The following UNC93A variants were observed in gnomAD, a reference collection of about 807,000 sequenced individuals.
UNC93A encodes the protein N-acetylglucosamine transporter UNC93A.
Under a neutral mutation model 47.5 loss-of-function variants are expected in UNC93A, and 43 were observed. The observed-to-expected ratio is 0.91, with a 90% CI of 0.71 to 1.17. UNC93A has a LOEUF of 1.17. Among genes scored for constraint, UNC93A ranks in the 50% most tolerant of loss-of-function variants. The probability of loss-of-function intolerance (pLI) is 0.00; values close to 1 mark genes in which losing one functional copy is unlikely to be tolerated. For missense variants in UNC93A, 605 were observed against 577.6 expected, an observed-to-expected ratio of 1.05 and a Z score of -0.49; for synonymous variants, 280 against 258.0, an observed-to-expected ratio of 1.09 and a Z score of -0.82.
intron 1 of UNC93A, among the ~76,000 whole-genome samples, chr6:167,294,149 T>G (rs2072763): frequency 6.6e-6 from 1 of 151,906 alleles, no homozygotes; most frequent in South Asian, 2.1e-4. Context: ...GCACGCAGGC[T>G]CCTCACAGAT....
At chr6:167,312,456 C>T (rs1485771552) in intron 7 of UNC93A, among the ~76,000 whole-genome samples, 1 of 152,236 alleles carries the variant, frequency 6.6e-6, no homozygotes, top group African/African-American at 2.4e-5. Flanking sequence ...ATAAAAAACG[C>T]CTGTCCCTTC....
chr6:167,295,785 T>A (rs1778067841), intron 2 of UNC93A, among the ~76,000 whole-genome samples: 1 of 152,244 alleles, frequency 6.6e-6, no homozygotes, highest in African/African-American at 2.4e-5. Context: ...TCGCATCCGA[T>A]ACAAGGAGCC....
intron 1 of UNC93A, among the ~76,000 whole-genome samples, chr6:167,272,693 A>G (rs1783468569): frequency 6.6e-6 from 1 of 152,226 alleles, no homozygotes; most frequent in African/African-American, 2.4e-5. Context: ...TTATAGGTAG[A>G]TTTGAAAATG....
At chr6:167,290,186 A>T (rs1182800710), upstream of UNC93A, among the ~76,000 whole-genome samples, 1 of 152,232 alleles carries the variant, frequency 6.6e-6, no homozygotes, top group Non-Finnish European at 1.5e-5. Flanking sequence ...ATCTGTTTCC[A>T]TGCTCAGAAT....
At chr6:167,295,483 A>T (rs1973896) in intron 2 of UNC93A, among the ~76,000 whole-genome samples, 32 of 50,776 alleles carry the variant, frequency 6.3e-4, no homozygotes, top group African/African-American at 4.0e-3. Flanking sequence ...CTCCCTCGTG[A>T]ACCTCGCCTC....
intron 1 of UNC93A, among the ~76,000 whole-genome samples, chr6:167,294,111 G>A (rs1777978041): frequency 6.6e-6 from 1 of 152,150 alleles, no homozygotes; most frequent in Admixed American, 6.5e-5. Flanking sequence ...CTCCCCATGG[G>A]CTGAAGGACC....
chr6:167,308,699 A>G (rs76855668), intron 7 of UNC93A, among the ~76,000 whole-genome samples: 1,994 of 151,850 alleles, frequency 0.013, 51 homozygotes, highest in African/African-American at 0.046. Flanking sequence ...GTGTGGGGCC[A>G]GCATGTGGGG....
upstream of UNC93A, among the ~76,000 whole-genome samples, chr6:167,288,456 AC>A (rs1783781235): frequency 4.7e-5 from 1 of 21,082 alleles, no homozygotes; most frequent in African/African-American, 1.9e-4. Flanking sequence ...CCTTACACAC[AC>A]ACACACACAC....
At chr6:167,294,103 C>T (rs1332375982) in intron 1 of UNC93A, among the ~76,000 whole-genome samples, 1 of 152,168 alleles carries the variant, frequency 6.6e-6, no homozygotes, top group East Asian at 1.9e-4. Context: ...CTTCGGGCCT[C>T]CCCATGGGCT....
At chr6:167,288,163 G>T (rs749269675), upstream of UNC93A, among the ~76,000 whole-genome samples, 7 of 152,128 alleles carry the variant, frequency 4.6e-5, no homozygotes, top group Non-Finnish European at 1.0e-4. Context: ...CCACACGATG[G>T]GTCTCTGCCC....
At chr6:167,313,935 A>C (rs933133615) in intron 7 of UNC93A, among the ~76,000 whole-genome samples, 1 of 152,210 alleles carries the variant, frequency 6.6e-6, no homozygotes, top group Non-Finnish European at 1.5e-5. Flanking sequence ...GACAATGTGC[A>C]GACTGTGGGA....
At position 167,305,995 on chromosome 6, in the gene UNC93A, C is replaced by T. The variant is rs751156458; in HGVS notation, c.921C>T (p.Ser307=). ...TCTCGGCCACTGACGCGCTGTGCTC[C>T]GTGTTGTATGGAAAGGTCTCGCAGT... ...ICFSATDALC[S]VLYGKVSQYT... is the part of the protein sequence containing the mutation. The change falls in exon 6 of 8, where the codon TCC becomes TCT. Residue 307 remains serine (S), a synonymous_variant. Transcript: ENST00000230256. 18 of 1,614,166 alleles carry T rather than the reference C, an allele frequency of 1.1e-5. No homozygotes were observed. The highest frequency in any genetic ancestry group is 1.5e-5 in the Non-Finnish European group (18 of 1,180,036).
chr6:167,298,028 C>T lies in UNC93A; in HGVS notation c.583C>T (p.Pro195Ser). The change falls in exon 4 of 8, where the codon CCC (proline) becomes TCC (serine). Residue 195 changes from proline (P) to serine (S), a missense_variant. Pro to Ser is a moderately conservative substitution (Grantham distance 74). Transcript: ENST00000230256. ...ATTTTNSTQRPSQQLVYTLLG... is the reference protein window; with the variant it reads ...ATTTTNSTQRSSQQLVYTLLG... ...CACAACCACCAACAGCACCCAGAGG[C>T]CCTCCCAGCAGCTGGTCTACACCCT... is the stretch of plus-strand genomic sequence containing the variant. 6.2e-7 allele frequency: 1 copy of T among 1,614,024 alleles called. No homozygotes were observed. The highest frequency in any genetic ancestry group is 1.7e-5 in the Admixed American group (1 of 60,028).
intron 1 of UNC93A, among the ~76,000 whole-genome samples, chr6:167,285,979 T>TATAC (rs1259969636): frequency 0.022 from 3,190 of 141,884 alleles, 74 homozygotes; most frequent in Admixed American, 0.048. Flanking sequence ...TATATATATA[T>TATAC]ACACACACAC....
At chr6:167,298,408 C>G (rs905626312) in intron 4 of UNC93A, 1 of 173,784 alleles carries the variant, frequency 5.8e-6, no homozygotes, top group African/African-American at 2.4e-5. Context: ...CTCAGCAGTA[C>G]GGGGGCTGGC....
Position 167,295,936 on chromosome 6 carries a change from G to T in UNC93A, c.270-96G>T, listed in dbSNP as rs1322379731. On this transcript the variant is annotated intron_variant, in intron 2 of 7. Coordinates refer to ENST00000230256, the MANE Select transcript of UNC93A (RefSeq NM_018974.4). Reference sequence around the variant, plus strand: ...CACGCTTGCAATGGGCCAGGCGGTGGTTCCTTCTCCCAGATTGACTAAAGA... The same window carrying T: ...CACGCTTGCAATGGGCCAGGCGGTGTTTCCTTCTCCCAGATTGACTAAAGA... 8 of 1,173,492 alleles carry T rather than the reference G, an allele frequency of 6.8e-6. No individual in the cohort carries two copies. The African/African-American group carries it at 1.2e-4, about 18-fold the overall frequency. 72.7% of individuals were successfully genotyped at this position (1,173,492 alleles called of 1,614,324 possible). A position where few individuals can be genotyped will look rare whatever the true frequency, so the allele number is the denominator to read the frequency against.
chr6:167,294,494 C>T (rs764392863), intron 1 of UNC93A, 23 bp from the exon 2 acceptor site: 1 of 1,613,004 alleles, frequency 6.2e-7, no homozygotes, highest in South Asian at 1.1e-5. Flanking sequence ...TGTGCTCTGA[C>T]AGGGCTGGCT....
intron 1 of UNC93A, among the ~76,000 whole-genome samples, chr6:167,282,163 G>A (rs1471582701): frequency 6.6e-6 from 1 of 152,152 alleles, no homozygotes; most frequent in Non-Finnish European, 1.5e-5. Context: ...TTTCAGACAG[G>A]GTGATGTAGA....
chr6:167,274,757 C>T lies in UNC93A; in HGVS notation c.-52+3299C>T, dbSNP rs541810298. Among the ~76,000 whole-genome samples the T allele has an allele frequency of 2.0e-5, 3 of 152,250 alleles. No individual in the cohort carries two copies. The South Asian group carries it at 6.2e-4, about 32-fold the overall frequency. ...ATACCAATGACAACAACAAAACTAC[C>T]ATGCAGAGCTTCCATGCCCTGCACA... is the stretch of plus-strand genomic sequence containing the variant. On this transcript the variant is annotated intron_variant, in intron 1 of 3. Transcript: ENST00000503433.
Sources: allele counts gnomAD v4.1 joint callset (sites outside exome capture counted in the v4.1 genomes callset), GRCh38; gene constraint gnomAD v4.1.1; transcripts MANE v1.5; gene names NCBI Gene and HGNC (gene_info 2026-07-23, HGNC 2026-07-21).